Variants in SND1 observed in about 807,000 individuals in gnomAD.
The protein encoded by SND1 is staphylococcal nuclease domain-containing protein 1.
A neutral mutation model predicts 121.7 loss-of-function variants in SND1; 38 were observed. That is an observed-to-expected ratio of 0.31 (90% CI 0.24 to 0.41). The LOEUF is 0.41. Among genes scored for constraint, SND1 ranks in the 10% least tolerant of loss-of-function variants. The pLI is 1.00. For missense variants in SND1, 868 were observed against 1,184.6 expected, an observed-to-expected ratio of 0.73 and a Z score of 3.92; for synonymous variants, 401 against 447.4, an observed-to-expected ratio of 0.90 and a Z score of 1.31.
At chr7:127,978,063 G>T (rs922363166) in intron 15 of SND1, among the ~76,000 whole-genome samples, 1 of 152,158 alleles carries the variant, frequency 6.6e-6, no homozygotes, top group African/African-American at 2.4e-5. Context: ...ATAGAGCCAG[G>T]ATTACATGTC....
At chr7:127,778,365 CTT>C (rs886174196) in intron 10 of SND1, among the ~76,000 whole-genome samples, 3 of 151,950 alleles carry the variant, frequency 2.0e-5, no homozygotes, top group Non-Finnish European at 4.4e-5. Flanking sequence ...GCCCAGCTAA[CTT>C]TTCATATTTT....
chr7:127,916,101 T>C (rs925001748), intron 14 of SND1, among the ~76,000 whole-genome samples: 1 of 151,992 alleles, frequency 6.6e-6, no homozygotes, highest in Admixed American at 6.6e-5. Context: ...TATCTATTAA[T>C]TTTTCTTTTT....
chr7:127,825,854 C>T (rs1490050173), intron 11 of SND1, among the ~76,000 whole-genome samples: 2 of 152,160 alleles, frequency 1.3e-5, no homozygotes, highest in Admixed American at 6.5e-5. Context: ...TTTTCTTTCA[C>T]TTATACATTT....
chr7:127,899,491 T>C (rs1436073544), intron 13 of SND1, among the ~76,000 whole-genome samples: 1 of 152,234 alleles, frequency 6.6e-6, no homozygotes, highest in African/African-American at 2.4e-5. Context: ...AATTAATTAC[T>C]GGCATGTAGG....
intron 15 of SND1, among the ~76,000 whole-genome samples, chr7:127,978,789 C>T (rs891751171): frequency 6.6e-6 from 1 of 152,110 alleles, no homozygotes; most frequent in Admixed American, 6.5e-5. Context: ...CAGGTTCAAG[C>T]GATTCTCCTG....
chr7:127,720,258 G>A (rs938750473), intron 9 of SND1, among the ~76,000 whole-genome samples: 11 of 152,228 alleles, frequency 7.2e-5, no homozygotes, highest in African/African-American at 2.7e-4. Flanking sequence ...CTGTGTGGCA[G>A]CTGACCCTGT....
intron 10 of SND1, among the ~76,000 whole-genome samples, chr7:127,780,534 T>C (rs1044438029): frequency 1.3e-5 from 2 of 152,154 alleles, no homozygotes; most frequent in East Asian, 1.9e-4. Flanking sequence ...AATTTCAGCA[T>C]TGTTGTATTT....
intron 17 of SND1, among the ~76,000 whole-genome samples, chr7:128,076,231 G>A (rs1346576860): frequency 6.6e-6 from 1 of 152,182 alleles, no homozygotes; most frequent in Non-Finnish European, 1.5e-5. Flanking sequence ...GCCAGGGGCT[G>A]TGCTGAACTC....
intron 8 of SND1, among the ~76,000 whole-genome samples, chr7:127,705,859 T>G (rs893272099): frequency 4.6e-5 from 7 of 152,218 alleles, no homozygotes; most frequent in Admixed American, 4.6e-4. Context: ...TACATTTTTG[T>G]GACAGATATA....
At chr7:127,744,233 G>C (rs1371350865) in intron 10 of SND1, among the ~76,000 whole-genome samples, 1 of 151,820 alleles carries the variant, frequency 6.6e-6, no homozygotes, top group Non-Finnish European at 1.5e-5. Flanking sequence ...TTAGGCTCCT[G>C]GTTTTTAATT....
At chr7:127,915,468 C>A (rs907310133) in intron 14 of SND1, among the ~76,000 whole-genome samples, 2 of 152,128 alleles carry the variant, frequency 1.3e-5, no homozygotes. Context: ...TTAACATATG[C>A]CATCTCTGTC....
chr7:128,009,586 T>C (rs902553602), intron 16 of SND1, among the ~76,000 whole-genome samples: 5 of 152,152 alleles, frequency 3.3e-5, no homozygotes, highest in African/African-American at 4.8e-5. Flanking sequence ...ATTAATAGAA[T>C]CTTTATAAAA....
intron 12 of SND1, among the ~76,000 whole-genome samples, chr7:127,850,485 C>T (rs901391209): frequency 7.2e-5 from 11 of 152,252 alleles, no homozygotes; most frequent in South Asian, 6.2e-4. Flanking sequence ...GTGGCTCTGC[C>T]GGGAGGTAGG....
At chr7:127,871,098 C>T (rs1016455299) in intron 12 of SND1, among the ~76,000 whole-genome samples, 158 of 152,214 alleles carry the variant, frequency 1.0e-3, no homozygotes, top group African/African-American at 3.5e-3. Context: ...TGTCTTCCAC[C>T]TCTATATCTT....
chr7:127,717,703 T>C (rs139087373), intron 9 of SND1, among the ~76,000 whole-genome samples: 100 of 152,330 alleles, frequency 6.6e-4, no homozygotes, highest in Non-Finnish European at 1.2e-3. Context: ...CCACAGTCTC[T>C]GGTCATGCTT....
intron 12 of SND1, among the ~76,000 whole-genome samples, chr7:127,871,357 A>G (rs1430334657): frequency 2.0e-5 from 3 of 152,210 alleles, no homozygotes; most frequent in Admixed American, 6.5e-5. Flanking sequence ...TGTATGTGCT[A>G]TACATTTATA....
chr7:127,655,045 A>G (rs1021923084), intron 1 of SND1, among the ~76,000 whole-genome samples: 1 of 152,230 alleles, frequency 6.6e-6, no homozygotes, highest in African/African-American at 2.4e-5. Flanking sequence ...GGAAAACAGG[A>G]GACACTACTT....
chr7:127,916,273 G>C (rs938712757), intron 14 of SND1, among the ~76,000 whole-genome samples: 3 of 152,134 alleles, frequency 2.0e-5, no homozygotes, highest in Non-Finnish European at 2.9e-5. Flanking sequence ...TGGTAGAACT[G>C]AGTGGTTGAT....
At chr7:127,745,341 A>G (rs967841234) in intron 10 of SND1, among the ~76,000 whole-genome samples, 1 of 152,040 alleles carries the variant, frequency 6.6e-6, no homozygotes, top group African/African-American at 2.4e-5. Flanking sequence ...GGTACAGTAA[A>G]TTTTATGGGA....
Sources: gnomAD v4.1 joint callset for allele counts (sites outside exome capture counted in the v4.1 genomes callset) on GRCh38, gnomAD v4.1.1 for gene constraint, MANE v1.5 for transcripts, NCBI Gene and HGNC (gene_info 2026-07-23, HGNC 2026-07-21) for gene names.